TYW1: variants seen among roughly 807,000 people sequenced by gnomAD.
TYW1 encodes the protein tRNA-yW synthesizing protein 1 homolog, also known as S-adenosyl-L-methionine-dependent tRNA 4-demethylwyosine synthase TYW1.
A neutral mutation model predicts 96.2 loss-of-function variants in TYW1; 46 were observed. That is an observed-to-expected ratio of 0.48 (90% CI 0.38 to 0.61). The LOEUF (loss-of-function observed/expected upper bound fraction) is 0.61, where lower values mean the gene tolerates loss of function less well. TYW1 is among the 20% of genes least tolerant of loss of function. The pLI, the probability that TYW1 is intolerant of heterozygous loss-of-function variation, is 0.00. For missense variants in TYW1, 684 were observed against 909.6 expected (o/e 0.75, Z 3.19); for synonymous variants, 274 against 323.0 (o/e 0.85, Z 1.63).
intron 11 of TYW1, among the ~76,000 whole-genome samples, chr7:67,088,242 A>G (rs2115800786): frequency 6.6e-6 from 1 of 152,224 alleles, no homozygotes; most frequent in East Asian, 1.9e-4. Flanking sequence ...CTATTTGTTT[A>G]ATGCTTTTTT....
intron 13 of TYW1, among the ~76,000 whole-genome samples, chr7:67,164,575 C>T (rs1467478633): frequency 4.7e-5 from 7 of 147,548 alleles, no homozygotes; most frequent in Non-Finnish European, 1.0e-4. Flanking sequence ...GGCACTATTG[C>T]ATTCCAGCCT....
At chr7:67,019,944 G>C (rs1159701283) in intron 6 of TYW1, among the ~76,000 whole-genome samples, 1 of 152,290 alleles carries the variant, frequency 6.6e-6, no homozygotes, top group Non-Finnish European at 1.5e-5. Flanking sequence ...AGAGCAGATG[G>C]CTTCAAGAGA....
intron 12 of TYW1, among the ~76,000 whole-genome samples, chr7:67,105,090 C>A (rs1797195537): frequency 6.6e-6 from 1 of 152,250 alleles, no homozygotes; most frequent in South Asian, 2.1e-4. Flanking sequence ...GCGAGGGGGG[C>A]AAGCCCCATT....
intron 7 of TYW1, among the ~76,000 whole-genome samples, chr7:67,035,737 G>A (rs1385990446): frequency 6.6e-6 from 1 of 152,084 alleles, no homozygotes; most frequent in Non-Finnish European, 1.5e-5. Context: ...AGAGTACAGT[G>A]GCGCCATCTC....
intron 4 of TYW1, 75 bp downstream of exon 4, chr7:67,009,759 A>G (rs1793729224): frequency 6.4e-6 from 8 of 1,242,070 alleles, no homozygotes; most frequent in Non-Finnish European, 9.0e-6. Flanking sequence ...AAATTTAATT[A>G]GATAACTAGA....
intron 13 of TYW1, among the ~76,000 whole-genome samples, chr7:67,163,456 A>G (rs1338827138): frequency 6.6e-6 from 1 of 151,966 alleles, no homozygotes; most frequent in Non-Finnish European, 1.5e-5. Context: ...CACACAGATG[A>G]TATCTTCCTG....
Position 66,998,145 on chromosome 7 carries a change from G to A in TYW1, c.85G>A (p.Ala29Thr). 6.2e-7 allele frequency: 1 copy of A among 1,612,878 alleles called. No individual in the cohort carries two copies. Among genetic ancestry groups the A allele is most frequent in the Non-Finnish European group, 8.5e-7 (1 of 1,179,684 alleles). ...CAGGTTTTACATTTATTTGGGCTTT[G>A]CTGTTAGCATTAGCCTTTGGATTTG... ...INRFYIYLGF[A>T]VSISLWICVQ... Residue 29 changes from alanine (A) to threonine (T), a missense_variant, in exon 2 of 16, where the codon GCT becomes ACT. Ala to Thr is a moderately conservative substitution (Grantham distance 58). Transcript: ENST00000359626.
intron 13 of TYW1, among the ~76,000 whole-genome samples, chr7:67,166,161 C>CT (rs1327223343): frequency 2.7e-5 from 4 of 150,832 alleles, no homozygotes. Context: ...GTAGGATAAT[C>CT]TTTTGAGGAG....
chr7:67,052,984 G>T (rs1795404677), intron 8 of TYW1, among the ~76,000 whole-genome samples: 1 of 151,746 alleles, frequency 6.6e-6, no homozygotes, highest in Non-Finnish European at 1.5e-5. Flanking sequence ...CTCCTGATCT[G>T]CCCACCTTGG....
chr7:67,027,657 G>A (rs750646901), intron 7 of TYW1, among the ~76,000 whole-genome samples: 1 of 152,134 alleles, frequency 6.6e-6, no homozygotes, highest in Non-Finnish European at 1.5e-5. Context: ...ACCTGCAGGC[G>A]CGGTGGCTCA....
intron 11 of TYW1, among the ~76,000 whole-genome samples, chr7:67,087,286 G>T (rs1469893063): frequency 6.6e-6 from 1 of 152,170 alleles, no homozygotes; most frequent in African/African-American, 2.4e-5. Flanking sequence ...GTGCAGAAAG[G>T]GGTGTCCAAT....
intron 15 of TYW1, among the ~76,000 whole-genome samples, chr7:67,202,321 C>A (rs893273508): frequency 6.6e-6 from 1 of 152,140 alleles, no homozygotes; most frequent in African/African-American, 2.4e-5. Flanking sequence ...GGTCAGGTGA[C>A]CTGAAACCAG....
intron 13 of TYW1, among the ~76,000 whole-genome samples, chr7:67,162,554 G>T (rs1468543758): frequency 6.6e-6 from 1 of 152,126 alleles, no homozygotes. Context: ...CAGTCGTTTT[G>T]TGAAGCATAA....
chr7:67,044,312 G>C (rs1175896715), intron 7 of TYW1, among the ~76,000 whole-genome samples: 3 of 151,926 alleles, frequency 2.0e-5, no homozygotes, highest in African/African-American at 7.3e-5. Context: ...TGGCCAGGCT[G>C]TTCTAGAACT....
chr7:67,138,695 T>C (rs1798349792), intron 13 of TYW1, among the ~76,000 whole-genome samples: 1 of 152,224 alleles, frequency 6.6e-6, no homozygotes, highest in South Asian at 2.1e-4. Flanking sequence ...TTGTTTTGAT[T>C]TTTCGATCCC....
At chr7:67,078,177 C>T (rs1488784226) in intron 10 of TYW1, among the ~76,000 whole-genome samples, 2 of 151,950 alleles carry the variant, frequency 1.3e-5, no homozygotes, top group African/African-American at 4.8e-5. Context: ...CTCACTGCAA[C>T]ATCCACCTGC....
intron 3 of TYW1, among the ~76,000 whole-genome samples, chr7:67,000,513 G>A (rs1222084544): frequency 6.6e-6 from 1 of 151,932 alleles, no homozygotes; most frequent in Admixed American, 6.6e-5. Flanking sequence ...TGGTCACACT[G>A]CTCTCAAACT....
intron 7 of TYW1, among the ~76,000 whole-genome samples, chr7:67,030,658 A>G (rs1794642560): frequency 6.6e-6 from 1 of 151,958 alleles, no homozygotes; most frequent in Non-Finnish European, 1.5e-5. Context: ...TCAATGTACT[A>G]AGCACTCAGA....
intron 13 of TYW1, among the ~76,000 whole-genome samples, chr7:67,146,788 T>C (rs112773555): frequency 0.096 from 14,686 of 152,262 alleles, 799 homozygotes; most frequent in Middle Eastern, 0.15. Context: ...AGCCTGATTG[T>C]AGGTGAACCA....
Sources: gnomAD v4.1 joint callset for allele counts (sites outside exome capture counted in the v4.1 genomes callset) on GRCh38, gnomAD v4.1.1 for gene constraint, MANE v1.5 for transcripts, NCBI Gene and HGNC (gene_info 2026-07-23, HGNC 2026-07-21) for gene names.